Variants in NSRP1 observed in about 807,000 individuals in gnomAD.
NSRP1 encodes coiled-coil domain containing 55.
Under a neutral mutation model 54.7 loss-of-function variants are expected in NSRP1, and 24 were observed. The ratio of observed to expected loss-of-function variants is 0.44; its 90% CI spans 0.32 to 0.62. NSRP1 has a LOEUF of 0.62. Ranked by LOEUF, NSRP1 falls within the 20% of genes least tolerant of loss-of-function variation. The pLI, the probability that NSRP1 is intolerant of heterozygous loss-of-function variation, is 0.06. For synonymous variants in NSRP1, 210 were observed against 213.8 expected (o/e 0.98, Z 0.15); for missense variants, 596 against 651.2 (o/e 0.92, Z 0.92).
At chr17:30,130,752 T>A (rs889603584) in intron 2 of NSRP1, among the ~76,000 whole-genome samples, 2 of 152,184 alleles carry the variant, frequency 1.3e-5, no homozygotes, top group Non-Finnish European at 2.9e-5. Flanking sequence ...GCAAATAATG[T>A]TGAATTGTTT....
chr17:30,117,759 G>A (rs867325170), intron 1 of NSRP1, among the ~76,000 whole-genome samples: 2 of 115,116 alleles, frequency 1.7e-5, no homozygotes. Context: ...CACTACACAT[G>A]TTTTTTTTTT....
intron 2 of NSRP1, among the ~76,000 whole-genome samples, chr17:30,120,060 C>A (rs2071583109): frequency 6.6e-6 from 1 of 152,262 alleles, no homozygotes; most frequent in East Asian, 1.9e-4. Context: ...TCTACCTCCC[C>A]ACTTGCTACC....
chr17:30,120,160 A>G (rs563627809), intron 2 of NSRP1, among the ~76,000 whole-genome samples: 5 of 152,208 alleles, frequency 3.3e-5, no homozygotes, highest in South Asian at 2.1e-4. Flanking sequence ...GTACTCTTTT[A>G]TGTCTGACTT....
At chr17:30,129,797 A>G (rs988639496) in intron 2 of NSRP1, among the ~76,000 whole-genome samples, 2 of 152,222 alleles carry the variant, frequency 1.3e-5, no homozygotes, top group African/African-American at 2.4e-5. Flanking sequence ...TTGTACATAG[A>G]TAAGACAAAG....
At chr17:30,123,742 TAA>T (rs1000435510) in intron 2 of NSRP1, among the ~76,000 whole-genome samples, 10 of 152,034 alleles carry the variant, frequency 6.6e-5, no homozygotes, top group South Asian at 2.1e-4. Context: ...TTTTTAATAA[TAA>T]GAGAGAGGGG....
At chr17:30,171,976 C>CTCTCT (rs1567804388) in intron 2 of NSRP1, among the ~76,000 whole-genome samples, 9 of 80,434 alleles carry the variant, frequency 1.1e-4, no homozygotes, top group African/African-American at 8.2e-5. Flanking sequence ...ACACACACTC[C>CTCTCT]CTCTCTCTCT....
chr17:30,144,281 A>T (rs1435902124), intron 2 of NSRP1: 1 of 147,794 alleles, frequency 6.8e-6, no homozygotes, highest in East Asian at 2.0e-4. Flanking sequence ...TTTTTTTTGA[A>T]GCAGAGTCTC....
chr17:30,167,630 C>A (rs1904781492), intron 2 of NSRP1, among the ~76,000 whole-genome samples: 1 of 151,966 alleles, frequency 6.6e-6, no homozygotes, highest in South Asian at 2.1e-4. Flanking sequence ...TAAGATCTTA[C>A]TGATCTGCTT....
chr17:30,131,924 C>T (rs985937133), intron 2 of NSRP1, among the ~76,000 whole-genome samples: 5 of 152,260 alleles, frequency 3.3e-5, no homozygotes, highest in African/African-American at 9.6e-5. Context: ...ACAATGCTCA[C>T]GTCGTCACCA....
chr17:30,145,935 G>T (rs999230749), intron 2 of NSRP1, among the ~76,000 whole-genome samples: 1 of 152,094 alleles, frequency 6.6e-6, no homozygotes, highest in Non-Finnish European at 1.5e-5. Flanking sequence ...CTGCAGCCTC[G>T]ATGTACGGGG....
intron 6 of NSRP1, among the ~76,000 whole-genome samples, chr17:30,182,946 T>TA (rs1384533555): frequency 2.0e-5 from 3 of 151,720 alleles, no homozygotes; most frequent in African/African-American, 7.3e-5. Context: ...AAAATAATAA[T>TA]AATAAATAAA....
chr17:30,152,185 C>G (rs966378508), intron 2 of NSRP1, among the ~76,000 whole-genome samples: 1 of 151,778 alleles, frequency 6.6e-6, no homozygotes, highest in African/African-American at 2.4e-5. Context: ...TGCAGTGGCG[C>G]GATCTCGGCT....
At chr17:30,145,457 C>T (rs2071845628) in intron 2 of NSRP1, among the ~76,000 whole-genome samples, 1 of 152,138 alleles carries the variant, frequency 6.6e-6, no homozygotes, top group African/African-American at 2.4e-5. Flanking sequence ...GTGGCGTGCT[C>T]CTGTAGTCCC....
At chr17:30,177,269 G>A (rs1448038323) in intron 3 of NSRP1, among the ~76,000 whole-genome samples, 3 of 152,028 alleles carry the variant, frequency 2.0e-5, no homozygotes, top group Non-Finnish European at 4.4e-5. Flanking sequence ...TACTTGGGTG[G>A]CTGAAGTGAG....
intron 2 of NSRP1, among the ~76,000 whole-genome samples, chr17:30,120,930 T>C (rs1314225981): frequency 1.3e-5 from 2 of 152,110 alleles, no homozygotes; most frequent in African/African-American, 4.8e-5. Context: ...TGCAGGAAAA[T>C]CAAGGCAGGA....
chr17:30,157,006 C>G (rs764946027), intron 2 of NSRP1, among the ~76,000 whole-genome samples: 1 of 151,974 alleles, frequency 6.6e-6, no homozygotes, highest in Non-Finnish European at 1.5e-5. Context: ...GAATAAATAC[C>G]CAGTAGTGAT....
chr17:30,152,248 G>A (rs950322448), intron 2 of NSRP1, among the ~76,000 whole-genome samples: 5 of 151,232 alleles, frequency 3.3e-5, no homozygotes, highest in Non-Finnish European at 7.4e-5. Context: ...TCAGTCTCTC[G>A]AGTAGCTGGG....
chr17:30,148,000 T>G (rs939678924), intron 2 of NSRP1, among the ~76,000 whole-genome samples: 2 of 151,308 alleles, frequency 1.3e-5, no homozygotes, highest in Non-Finnish European at 2.9e-5. Flanking sequence ...TTTGGTAGAG[T>G]TGGGGTTTCC....
chr17:30,179,380 C>CT, intron 5 of NSRP1, 83 bp downstream of exon 5: 1 of 1,430,556 alleles, frequency 7.0e-7, no homozygotes. Flanking sequence ...TGTCACTGAA[C>CT]TTTAGGGTTA....
Sources: allele counts gnomAD v4.1 joint callset (sites outside exome capture counted in the v4.1 genomes callset), GRCh38; gene constraint gnomAD v4.1.1; transcripts MANE v1.5; gene names NCBI Gene and HGNC (gene_info 2026-07-23, HGNC 2026-07-21).